RANBP9: variants seen among roughly 807,000 people sequenced by gnomAD.
The protein encoded by RANBP9 is RAN binding protein 9.
RANBP9 carries 15 observed loss-of-function variants against 84.3 expected under a neutral mutation model. That is an observed-to-expected ratio of 0.18 (90% CI 0.12 to 0.27). The LOEUF is 0.27. Ranked by LOEUF, RANBP9 falls within the 10% of genes least tolerant of loss-of-function variation. The probability of loss-of-function intolerance (pLI) is 1.00; values close to 1 mark genes in which losing one functional copy is unlikely to be tolerated. For synonymous variants in RANBP9, 392 were observed against 349.6 expected, an observed-to-expected ratio of 1.12 and a Z score of -1.35; for missense variants, 809 against 912.8, an observed-to-expected ratio of 0.89 and a Z score of 1.46.
chr6:13,642,481 T>C lies in RANBP9; in HGVS notation c.1223A>G (p.Gln408Arg). Residue 408 changes from glutamine (Q) to arginine (R), a missense_variant and splice_region_variant, in exon 7 of 14, where the codon CAA becomes CGA. This residue lies in a region of RANBP9 where 216 missense variants were observed against 329.0 expected (regional missense o/e 0.66). Transcript: ENST00000011619. ...LEELASIKNRQRIQKLVLAGR... is the reference protein window; with the variant it reads ...LEELASIKNRRRIQKLVLAGR... ...GCCATGCACCACAGTGTCCTTACTTTGTCTATTCTTAATGGAAGCTAATTC... is the reference window on the plus strand; with the variant it reads ...GCCATGCACCACAGTGTCCTTACTTCGTCTATTCTTAATGGAAGCTAATTC... The C allele has an allele frequency of 1.3e-6, 2 of 1,556,422 alleles. No homozygotes were observed. The highest frequency in any genetic ancestry group is 1.8e-6 in the Non-Finnish European group (2 of 1,138,988).
intron 2 of RANBP9, among the ~76,000 whole-genome samples, chr6:13,676,734 A>G (rs1016487386): frequency 3.3e-5 from 5 of 152,166 alleles, no homozygotes; most frequent in Non-Finnish European, 7.4e-5. Flanking sequence ...AATGTAATCA[A>G]TCACATCAAG....
intron 2 of RANBP9, among the ~76,000 whole-genome samples, chr6:13,682,580 G>GCC (rs1418009742): frequency 6.6e-6 from 1 of 151,950 alleles, no homozygotes; most frequent in African/African-American, 2.4e-5. Flanking sequence ...AGCCTCCCGA[G>GCC]TCACTGGGAT....
Position 13,625,708 on chromosome 6 carries a change from C to G in RANBP9, c.2004G>C (p.Gln668His), listed in dbSNP as rs753001897. The G allele has an allele frequency of 1.4e-5, 22 of 1,613,488 alleles. No homozygotes were observed. The highest frequency in any genetic ancestry group is 1.6e-5 in the Non-Finnish European group (19 of 1,179,458). The change falls in exon 13 of 14, where the codon CAG becomes CAC. Residue 668 changes from glutamine (Q) to histidine (H), a missense_variant. Physicochemically the swap from Gln to His is conservative, Grantham distance 24. This residue lies in a region of RANBP9 where 233 missense variants were observed against 234.4 expected (regional missense o/e 0.99). Transcript: ENST00000011619. ...SDPWNSPVGNQLDPIQREPVC... is the reference protein window; with the variant it reads ...SDPWNSPVGNHLDPIQREPVC... ...CAGGTTCTCTCTGAATCGGGTCAAG[C>G]TGATTTCCAACTGGGCTGTTCCAGG... is the stretch of plus-strand genomic sequence containing the variant.
intron 9 of RANBP9, among the ~76,000 whole-genome samples, chr6:13,638,730 G>T (rs1419203631): frequency 6.6e-6 from 1 of 152,052 alleles, no homozygotes; most frequent in Non-Finnish European, 1.5e-5. Context: ...GCCAAGAAAG[G>T]AGAGAATTTT....
intron 5 of RANBP9, among the ~76,000 whole-genome samples, chr6:13,646,227 T>C (rs1307836955): frequency 6.6e-6 from 1 of 152,074 alleles, no homozygotes; most frequent in African/African-American, 2.4e-5. Context: ...CTGACCAACA[T>C]GGTGAAACCC....
At chr6:13,681,889 C>T (rs761931536) in intron 2 of RANBP9, among the ~76,000 whole-genome samples, 7 of 151,500 alleles carry the variant, frequency 4.6e-5, no homozygotes, top group Non-Finnish European at 7.4e-5. Context: ...GAGAGAGAGT[C>T]GTGCTGTCAC....
At chr6:13,645,928 A>G (rs1048622291) in intron 5 of RANBP9, among the ~76,000 whole-genome samples, 2 of 152,252 alleles carry the variant, frequency 1.3e-5, no homozygotes, top group Non-Finnish European at 2.9e-5. Flanking sequence ...GAAACAAAAT[A>G]TTACATCAAA....
intron 2 of RANBP9, among the ~76,000 whole-genome samples, chr6:13,672,477 T>C (rs938981006): frequency 6.6e-6 from 1 of 151,738 alleles, no homozygotes; most frequent in East Asian, 1.9e-4. Context: ...ACCAGGAAAG[T>C]AGAGGAAAAT....
chr6:13,700,940 G>C (rs920437394), intron 1 of RANBP9, among the ~76,000 whole-genome samples: 1 of 152,150 alleles, frequency 6.6e-6, no homozygotes, highest in South Asian at 2.1e-4. Flanking sequence ...CATTGATTTT[G>C]TGGAAAACAT....
rs1334206324 is a variant in RANBP9 at position 13,639,614 on chromosome 6, T to C, written c.1474A>G (p.Met492Val). 6.2e-7 allele frequency: 1 copy of C among 1,612,772 alleles called. No individual in the cohort carries two copies. Among genetic ancestry groups the C allele is most frequent in the East Asian group, 2.2e-5 (1 of 44,886 alleles). ...SSPSMSPSHGMNIHNLASGKG... is the reference protein window; with the variant it reads ...SSPSMSPSHGVNIHNLASGKG... ...CCTGATGCTAAATTGTGGATATTCATTCCATGGCTGGGGCTCATACTTGGA... is the reference window on the plus strand; with the variant it reads ...CCTGATGCTAAATTGTGGATATTCACTCCATGGCTGGGGCTCATACTTGGA... The change falls in exon 9 of 14, where the codon ATG (methionine) becomes GTG (valine). Residue 492 changes from methionine (M) to valine (V), a missense_variant. Met to Val is a conservative substitution (Grantham distance 21, BLOSUM62 1). Transcript: ENST00000011619.
intron 2 of RANBP9, among the ~76,000 whole-genome samples, chr6:13,694,170 C>T (rs1285507735): frequency 2.0e-5 from 3 of 152,200 alleles, no homozygotes; most frequent in East Asian, 3.8e-4. Context: ...AATCCCACTC[C>T]TAGATACTTA....
chr6:13,642,442 G>T, intron 7 of RANBP9, 37 bp downstream of exon 7: 1 of 1,233,382 alleles, frequency 8.1e-7, no homozygotes, highest in South Asian at 1.9e-5. Context: ...TCTATAATCT[G>T]AAAACAAATG....
chr6:13,693,993 A>G (rs1766384758), intron 2 of RANBP9, among the ~76,000 whole-genome samples: 1 of 152,160 alleles, frequency 6.6e-6, no homozygotes, highest in Non-Finnish European at 1.5e-5. Flanking sequence ...CAGTGAGCCA[A>G]GACTGCACCA....
At chr6:13,699,565 T>C (rs1263919979) in intron 1 of RANBP9, among the ~76,000 whole-genome samples, 6 of 152,164 alleles carry the variant, frequency 3.9e-5, no homozygotes, top group African/African-American at 7.2e-5. Flanking sequence ...AAATGTTTCA[T>C]TGGGCATTTC....
At chr6:13,673,816 C>T (rs769228361) in intron 2 of RANBP9, among the ~76,000 whole-genome samples, 10 of 152,110 alleles carry the variant, frequency 6.6e-5, no homozygotes, top group Non-Finnish European at 1.0e-4. Context: ...GGGCTAGGCA[C>T]GTAGCTCATG....
At chr6:13,633,037 A>ATTTTT (rs200169433) in intron 11 of RANBP9, among the ~76,000 whole-genome samples, 30 of 145,614 alleles carry the variant, frequency 2.1e-4, no homozygotes, top group African/African-American at 6.7e-4. Flanking sequence ...TGAAAAAATA[A>ATTTTT]TTTTTTTTTT....
intron 2 of RANBP9, among the ~76,000 whole-genome samples, chr6:13,690,396 C>A (rs1297207058): frequency 6.6e-6 from 1 of 152,098 alleles, no homozygotes. Flanking sequence ...CGAATCAAAC[C>A]TAGAAGGAAA....
At chr6:13,655,229 T>C (rs1765371895) in intron 4 of RANBP9, among the ~76,000 whole-genome samples, 1 of 152,250 alleles carries the variant, frequency 6.6e-6, no homozygotes, top group Non-Finnish European at 1.5e-5. Context: ...GCCAGCACTT[T>C]GGAAGGCTGA....
chr6:13,711,105 G>C lies in RANBP9; in HGVS notation c.401C>G (p.Pro134Arg), dbSNP rs780251324. 30 of 1,563,164 alleles carry C rather than the reference G, an allele frequency of 1.9e-5. No homozygotes were observed. Among genetic ancestry groups the C allele is most frequent in the Non-Finnish European group, 2.6e-5 (30 of 1,154,756 alleles). ...CTCGTTCAGGGCCGAGTCCCCGTGA[G>C]GGAAGGGGGCCGCGGCGCTGCTGCC... ...VAGSSAAAPFPHGDSALNEQE... is the reference protein window; with the variant it reads ...VAGSSAAAPFRHGDSALNEQE... The change falls in exon 1 of 14, where the codon CCT becomes CGT. Residue 134 changes from proline to arginine, a missense_variant. This residue lies in a region of RANBP9 where 302 missense variants were observed against 240.1 expected (regional missense o/e 1.26). Coordinates refer to ENST00000011619, the MANE Select transcript of RANBP9 (RefSeq NM_005493.3).
Sources: gnomAD v4.1 joint callset for allele counts (sites outside exome capture counted in the v4.1 genomes callset) on GRCh38, gnomAD v4.1.1 for gene constraint, gnomAD v4.1.1 regional missense constraint, MANE v1.5 for transcripts, NCBI Gene and HGNC (gene_info 2026-07-23, HGNC 2026-07-21) for gene names.